KIF16B: variants seen among roughly 807,000 people sequenced by gnomAD.
The protein encoded by KIF16B is kinesin family member 16B, also known as kinesin-like protein KIF16B.
Under a neutral mutation model 156.3 loss-of-function variants are expected in KIF16B, and 98 were observed. The ratio of observed to expected loss-of-function variants is 0.63; its 90% CI spans 0.53 to 0.74. The LOEUF is 0.74. KIF16B is among the 30% of genes least tolerant of loss of function. The pLI is 0.00. For synonymous variants in KIF16B, 564 were observed against 583.7 expected, an observed-to-expected ratio of 0.97 and a Z score of 0.49; for missense variants, 1,421 against 1,606.5, an observed-to-expected ratio of 0.88 and a Z score of 1.97.
chr20:16,406,403 C>T lies in KIF16B; in HGVS notation c.1666G>A (p.Glu556Lys), dbSNP rs757036860. Reference sequence around the variant, plus strand: ...CTCTTCTCCCTGAGCTTGGCGGCTTCCTTTGGATGGTTAAAGCGAAACATA... The same window carrying T: ...CTCTTCTCCCTGAGCTTGGCGGCTTTCTTTGGATGGTTAAAGCGAAACATA... ...TNMFRFNHPK[E>K]AAKLREKRKS... is the part of the protein sequence containing the mutation. The change falls in exon 16 of 26, where the codon GAA (glutamate) becomes AAA (lysine). Residue 556 changes from glutamate (E) to lysine (K), a missense_variant. Transcript: ENST00000354981. The T allele has an allele frequency of 5.0e-6, 8 of 1,613,508 alleles. No homozygotes were observed. The highest frequency in any genetic ancestry group is 6.8e-6 in the Non-Finnish European group (8 of 1,179,666).
chr20:16,435,597 G>A (rs2066621130), intron 12 of KIF16B, among the ~76,000 whole-genome samples: 1 of 152,098 alleles, frequency 6.6e-6, no homozygotes, highest in African/African-American at 2.4e-5. Context: ...CACAAAGCTT[G>A]TCTTGTTTTA....
chr20:16,423,137 T>C (rs927047826), intron 15 of KIF16B, among the ~76,000 whole-genome samples: 1 of 152,062 alleles, frequency 6.6e-6, no homozygotes. Flanking sequence ...GGAAAGGTTA[T>C]AATAAATGGC....
At chr20:16,334,155 G>GTA (rs2063996062) in intron 24 of KIF16B, among the ~76,000 whole-genome samples, 1 of 152,200 alleles carries the variant, frequency 6.6e-6, no homozygotes, top group Non-Finnish European at 1.5e-5. Context: ...GTGTGTGTGT[G>GTA]TATATAAAGT....
At chr20:16,275,770 C>T (rs1301111609) in intron 25 of KIF16B, among the ~76,000 whole-genome samples, 3 of 152,136 alleles carry the variant, frequency 2.0e-5, no homozygotes, top group Non-Finnish European at 4.4e-5. Context: ...ATCAGAGGGG[C>T]AAAGAGAGAC....
intron 12 of KIF16B, among the ~76,000 whole-genome samples, chr20:16,458,669 G>C (rs1292420329): frequency 6.6e-6 from 1 of 152,064 alleles, no homozygotes; most frequent in East Asian, 1.9e-4. Flanking sequence ...AAAGCAAAGG[G>C]AAGAAAGGAG....
At chr20:16,321,120 C>T (rs922389021) in intron 24 of KIF16B, among the ~76,000 whole-genome samples, 1 of 152,060 alleles carries the variant, frequency 6.6e-6, no homozygotes, top group East Asian at 1.9e-4. Context: ...TGTCAATCTA[C>T]ATCTCCATCC....
intron 1 of KIF16B, among the ~76,000 whole-genome samples, chr20:16,543,915 C>T (rs1249758227): frequency 2.0e-5 from 3 of 152,134 alleles, no homozygotes; most frequent in Admixed American, 6.6e-5. Flanking sequence ...ACTCAGTAAG[C>T]GATCAATACT....
rs535982730 is a variant in KIF16B, at chr20:16,303,401, C to T, written c.3795+8934G>A. Among the ~76,000 whole-genome samples, 3 of 152,214 alleles carry T rather than the reference C, an allele frequency of 2.0e-5. No homozygotes were observed. In the East Asian group the frequency reaches 5.8e-4, roughly 29 times the overall value. ...TTTTACATACCATTCTCATTTGATC[C>T]CCTCAACAATCCTGAAAACTAGTTG... On this transcript the variant is annotated intron_variant, in intron 25 of 25. Transcript: ENST00000354981.
intron 15 of KIF16B, 142 bp from the exon 16 acceptor site, chr20:16,406,598 G>T: frequency 1.3e-6 from 1 of 742,202 alleles, no homozygotes. Context: ...TCAAAAGTCT[G>T]CTTACTTAAG....
Position 16,528,173 on chromosome 20 carries a change from G to A in KIF16B, c.117+198C>T, listed in dbSNP as rs115940179. Among the ~76,000 whole-genome samples the A allele has an allele frequency of 1.2e-3, 184 of 152,260 alleles. 1 individual carries two copies. The highest frequency in any genetic ancestry group is 4.3e-3 in the African/African-American group (177 of 41,564). ...GGATTTGGCTTCCAGATCAAATAAA[G>A]CCAGGAATGGGAAAGGAAACGGGAT... On this transcript the variant is annotated intron_variant, in intron 2 of 25. Transcript: ENST00000354981.
chr20:16,368,493 A>G lies in KIF16B; in HGVS notation c.3498+2093T>C, dbSNP rs151041474. The G allele has an allele frequency of 4.0e-3, 3,906 of 986,282 alleles. 25 individuals carry two copies. The highest frequency in any genetic ancestry group is 0.034 in the South Asian group (720 of 21,296). The allele number at this position is 986,282 out of a possible 1,614,324, so 61.1% of individuals were successfully genotyped here. ...CCTGGGAGGGGAGCCCCCTCGGGGC[A>G]CACAGATTCCCCACAAGCCTGGCTT... On this transcript the variant is annotated intron_variant, in intron 22 of 25. Coordinates refer to ENST00000354981, the MANE Select transcript of KIF16B (RefSeq NM_024704.5).
chr20:16,353,970 G>A (rs544238325), intron 23 of KIF16B, among the ~76,000 whole-genome samples: 4 of 152,270 alleles, frequency 2.6e-5, no homozygotes, highest in South Asian at 2.1e-4. Context: ...ACAATGACAC[G>A]CTTCAGAACT....
At chr20:16,454,512 C>T (rs2067164705) in intron 12 of KIF16B, among the ~76,000 whole-genome samples, 1 of 151,556 alleles carries the variant, frequency 6.6e-6, no homozygotes, top group Admixed American at 6.6e-5. Context: ...ATTGTTGTCC[C>T]CGTAGATAAC....
intron 25 of KIF16B, among the ~76,000 whole-genome samples, chr20:16,280,299 C>CT (rs112651983): frequency 6.6e-6 from 1 of 152,116 alleles, no homozygotes; most frequent in Non-Finnish European, 1.5e-5. Flanking sequence ...GGCTTCCCCC[C>CT]TCTCTTACAC....
intron 15 of KIF16B, among the ~76,000 whole-genome samples, chr20:16,415,343 G>A (rs569073273): frequency 1.2e-4 from 18 of 152,098 alleles, no homozygotes; most frequent in African/African-American, 3.9e-4. Flanking sequence ...AGGCTCATAC[G>A]CACTCCACAG....
At chr20:16,411,928 A>ATG (rs2065966039) in intron 15 of KIF16B, among the ~76,000 whole-genome samples, 2 of 93,914 alleles carry the variant, frequency 2.1e-5, no homozygotes, top group African/African-American at 1.0e-4. Flanking sequence ...GGAATGTTCA[A>ATG]CGTGTGTGTG....
At chr20:16,447,286 A>G (rs743132) in intron 12 of KIF16B, among the ~76,000 whole-genome samples, 36,084 of 150,942 alleles carry the variant, frequency 0.24, 4,454 homozygotes, top group South Asian at 0.32. Flanking sequence ...AATAAATCAG[A>G]CTCATTCTGA....
chr20:16,474,361 T>C (rs1192501527), intron 12 of KIF16B, among the ~76,000 whole-genome samples: 1 of 152,240 alleles, frequency 6.6e-6, no homozygotes, highest in Non-Finnish European at 1.5e-5. Flanking sequence ...GCAGGATTTT[T>C]ATGCAATTCC....
intron 12 of KIF16B, among the ~76,000 whole-genome samples, chr20:16,445,419 CGTGTGT>C (rs11467171): frequency 3.4e-5 from 5 of 146,760 alleles, no homozygotes; most frequent in South Asian, 2.2e-4. Context: ...CATGTATATA[CGTGTGT>C]GTGTGTGTGT....
Sources: allele counts gnomAD v4.1 joint callset (sites outside exome capture counted in the v4.1 genomes callset), GRCh38; gene constraint gnomAD v4.1.1; transcripts MANE v1.5; gene names NCBI Gene and HGNC (gene_info 2026-07-23, HGNC 2026-07-21).